GRIK3: variants seen among roughly 807,000 people sequenced by gnomAD.
The protein encoded by GRIK3 is glutamate ionotropic receptor kainate type subunit 3.
A neutral mutation model predicts 102.5 loss-of-function variants in GRIK3; 29 were observed. The observed-to-expected ratio is 0.28, with a 90% CI of 0.21 to 0.39. GRIK3 has a LOEUF of 0.39. Among genes scored for constraint, GRIK3 ranks in the 10% least tolerant of loss-of-function variants. The pLI, the probability that GRIK3 is intolerant of heterozygous loss-of-function variation, is 1.00. For synonymous variants in GRIK3, 511 were observed against 504.9 expected, an observed-to-expected ratio of 1.01 and a Z score of -0.16; for missense variants, 908 against 1,252.4, an observed-to-expected ratio of 0.73 and a Z score of 4.15.
chr1:36,850,048 C>A lies in GRIK3; in HGVS notation c.1326+263G>T, dbSNP rs1302755055. 3 of 437,714 alleles carry A rather than the reference C, an allele frequency of 6.9e-6. No homozygotes were observed. The highest frequency in any genetic ancestry group is 1.2e-5 in the Non-Finnish European group (3 of 242,236). 27.1% of individuals were successfully genotyped at this position (437,714 alleles called of 1,614,324 possible). A position where few individuals can be genotyped will look rare whatever the true frequency, so the allele number is the denominator to read the frequency against. On this transcript the variant is annotated intron_variant, in intron 9 of 15. Coordinates refer to ENST00000373091, the MANE Select transcript of GRIK3 (RefSeq NM_000831.4). This position sits in a 1 kb window ranked among gnomAD's most constrained non-coding sequence, Gnocchi z 4.0. ...TGTCAAACCCCCTTAATTCCACCAT[C>A]CAGCATGGTTCCTACTCAGACATCA...
chr1:36,873,908 C>T (rs116424911), intron 3 of GRIK3, among the ~76,000 whole-genome samples: 1,810 of 152,270 alleles, frequency 0.012, 32 homozygotes, highest in African/African-American at 0.039. Flanking sequence ...AGGGTCCCCA[C>T]GTAGACCTCG....
At chr1:36,887,765 A>AT (rs1464547828) in intron 2 of GRIK3, among the ~76,000 whole-genome samples, 32 of 98,810 alleles carry the variant, frequency 3.2e-4, no homozygotes, top group Admixed American at 2.4e-3. Context: ...TCAAAAAAAA[A>AT]AAAAAAATAT....
At chr1:36,855,375 A>G (rs1640639370) in intron 7 of GRIK3, among the ~76,000 whole-genome samples, 1 of 152,234 alleles carries the variant, frequency 6.6e-6, no homozygotes, top group South Asian at 2.1e-4. Flanking sequence ...AGGGGTCCAC[A>G]GTTCCCTGGA....
chr1:36,802,041 G>A lies in GRIK3; in HGVS notation c.2570C>T (p.Ser857Phe). Residue 857 changes from serine to phenylalanine, a missense_variant, in exon 16 of 16, where the codon TCC (serine) becomes TTC (phenylalanine). Ser to Phe is a radical substitution (Grantham distance 155). This residue lies in a region of GRIK3 where 297 missense variants were observed against 362.7 expected (regional missense o/e 0.82). Transcript: ENST00000373091. Reference sequence around the variant, plus strand: ...CTCATCGGCCACGGTGCTGCAGAAGGAACGCTGCAGGAGGGTGGAGGAGAG... The same window carrying A: ...CTCATCGGCCACGGTGCTGCAGAAGAAACGCTGCAGGAGGGTGGAGGAGAG... ...LRKTAEREQRSFCSTVADEIR... is the reference protein window; with the variant it reads ...LRKTAEREQRFFCSTVADEIR... 6.2e-7 allele frequency: 1 copy of A among 1,608,696 alleles called. No individual in the cohort carries two copies.
chr1:37,007,111 G>A (rs1347106591), intron 1 of GRIK3, among the ~76,000 whole-genome samples: 1 of 152,234 alleles, frequency 6.6e-6, no homozygotes, highest in Non-Finnish European at 1.5e-5. Context: ...GGCACAGCTA[G>A]CAGAGGCTGT....
chr1:36,887,652 A>G (rs1641054557), intron 2 of GRIK3, among the ~76,000 whole-genome samples: 1 of 151,634 alleles, frequency 6.6e-6, no homozygotes, highest in African/African-American at 2.4e-5. Context: ...GCTACTTGGG[A>G]GGCTGAGGCA....
At chr1:36,908,826 A>C (rs1331292530) in intron 1 of GRIK3, among the ~76,000 whole-genome samples, 2 of 151,354 alleles carry the variant, frequency 1.3e-5, no homozygotes, top group Non-Finnish European at 2.9e-5. Context: ...GGTGTGTAAG[A>C]TGAGTCCCAG....
intron 1 of GRIK3, among the ~76,000 whole-genome samples, chr1:36,967,970 G>A (rs1557445405): frequency 6.6e-6 from 1 of 152,192 alleles, no homozygotes; most frequent in Admixed American, 6.5e-5. Context: ...TGGGAACAGA[G>A]GCCCAGATTC....
chr1:36,821,210 C>T lies in GRIK3; in HGVS notation c.1755-1356G>A, dbSNP rs375683299. Among the ~76,000 whole-genome samples the T allele has an allele frequency of 7.7e-4, 117 of 152,250 alleles. 1 individual carries two copies. Among genetic ancestry groups the T allele is most frequent in the African/African-American group, 2.6e-3 (108 of 41,536 alleles). On this transcript the variant is annotated intron_variant, in intron 11 of 15. Transcript: ENST00000373091. ...TTATTTTCATGAAGCGGGAAGATCCCTCAAATAGGAAATTCTAAAGAAAGG... is the reference window on the plus strand; with the variant it reads ...TTATTTTCATGAAGCGGGAAGATCCTTCAAATAGGAAATTCTAAAGAAAGG...
chr1:36,944,055 C>T (rs1180615128), intron 1 of GRIK3, among the ~76,000 whole-genome samples: 1 of 152,204 alleles, frequency 6.6e-6, no homozygotes, highest in African/African-American at 2.4e-5. Flanking sequence ...CATGGCATCT[C>T]ACACAGGGCA....
At chr1:36,973,416 CTTTTTTTTTTT>C (rs35394730) in intron 1 of GRIK3, among the ~76,000 whole-genome samples, 5 of 114,950 alleles carry the variant, frequency 4.3e-5, no homozygotes, top group Non-Finnish European at 8.6e-5. Context: ...CTTCTTTTTC[CTTTTTTTTTTT>C]TTTTTTTTTT....
chr1:36,886,656 T>C (rs1557714140), intron 2 of GRIK3, among the ~76,000 whole-genome samples: 1 of 152,220 alleles, frequency 6.6e-6, no homozygotes, highest in Non-Finnish European at 1.5e-5. Flanking sequence ...ATTTTTTTAT[T>C]GAGATATAAA....
chr1:36,841,078 T>C (rs1037004547), intron 10 of GRIK3, among the ~76,000 whole-genome samples: 1 of 152,164 alleles, frequency 6.6e-6, no homozygotes, highest in Admixed American at 6.5e-5. Flanking sequence ...TCCTCCCTTG[T>C]GGTGGTGTCT....
At chr1:36,962,910 G>A (rs145886147) in intron 1 of GRIK3, among the ~76,000 whole-genome samples, 1 of 150,432 alleles carries the variant, frequency 6.6e-6, no homozygotes, top group Non-Finnish European at 1.5e-5. Context: ...AAAGGAGGAA[G>A]GAAGGAAAGA....
chr1:36,942,823 G>C (rs1451010298), intron 1 of GRIK3, among the ~76,000 whole-genome samples: 1 of 152,136 alleles, frequency 6.6e-6, no homozygotes, highest in Non-Finnish European at 1.5e-5. Context: ...CATCCCAGGA[G>C]AACTGAGGTG....
At chr1:36,887,765 A>T (rs1396580246) in intron 2 of GRIK3, among the ~76,000 whole-genome samples, 16 of 98,822 alleles carry the variant, frequency 1.6e-4, no homozygotes, top group African/African-American at 8.6e-4. Flanking sequence ...TCAAAAAAAA[A>T]AAAAAAATAT....
In GRIK3 at chr1:36,925,132, C is replaced by A. The variant is rs546231112; in HGVS notation, c.116-34036G>T. Among the ~76,000 whole-genome samples the A allele has an allele frequency of 7.2e-5, 11 of 152,338 alleles. 1 individual carries two copies. The South Asian group carries it at 2.1e-3, about 29-fold the overall frequency. On this transcript the variant is annotated intron_variant, in intron 1 of 15. Coordinates refer to ENST00000373091, the MANE Select transcript of GRIK3 (RefSeq NM_000831.4). ...CAGCTAGAGCTCTTACCATTCACTA[C>A]CCTGACATACATTCACCCACCCAAA... is the stretch of plus-strand genomic sequence containing the variant.
chr1:36,987,530 T>A (rs1642319163), intron 1 of GRIK3, among the ~76,000 whole-genome samples: 1 of 152,074 alleles, frequency 6.6e-6, no homozygotes, highest in Non-Finnish European at 1.5e-5. Context: ...ATAGACTACC[T>A]CCCAGGATGA....
In GRIK3 at chr1:36,888,790, AC is replaced by A. The variant is rs1316763690; in HGVS notation, c.292+2129del. 7.3e-5 allele frequency among the ~76,000 whole-genome samples: 11 copies of A among 151,004 alleles called. No individual in the cohort carries two copies. The South Asian group carries it at 2.1e-3, about 29-fold the overall frequency. ...CACCATCCTTCAAAACTCAACTCAAACCTCTCCTCCTCCAGGAAGCCTTCCT... is the reference window on the plus strand; with the variant it reads ...CACCATCCTTCAAAACTCAACTCAAACTCTCCTCCTCCAGGAAGCCTTCCT... On this transcript the variant is annotated intron_variant, in intron 2 of 15. Transcript: ENST00000373091.
Sources: gnomAD v4.1 joint callset for allele counts (sites outside exome capture counted in the v4.1 genomes callset) on GRCh38, gnomAD v4.1.1 for gene constraint, gnomAD v4.1.1 regional missense constraint, Gnocchi (gnomAD v3.1) non-coding constraint, MANE v1.5 for transcripts, NCBI Gene and HGNC (gene_info 2026-07-23, HGNC 2026-07-21) for gene names.